Variants in AFF3 observed in about 807,000 individuals in gnomAD.
The protein encoded by AFF3 is ALF transcription elongation factor 3.
A neutral mutation model predicts 129.7 loss-of-function variants in AFF3; 32 were observed. That is an observed-to-expected ratio of 0.25 (90% CI 0.19 to 0.33). The LOEUF is 0.33. AFF3 is among the 10% of genes least tolerant of loss of function. The pLI is 1.00. For synonymous variants in AFF3, 644 were observed against 635.4 expected (o/e 1.01, Z -0.20); for missense variants, 1,373 against 1,592.0 (o/e 0.86, Z 2.34).
At chr2:99,808,037 G>A (rs1210152313) in intron 8 of AFF3, among the ~76,000 whole-genome samples, 1 of 148,858 alleles carries the variant, frequency 6.7e-6, no homozygotes, top group Admixed American at 6.7e-5. Flanking sequence ...TCCCTCCCTC[G>A]CCAATGGGGT....
chr2:99,919,167 A>C (rs1448715692), intron 7 of AFF3, among the ~76,000 whole-genome samples: 1 of 152,174 alleles, frequency 6.6e-6, no homozygotes, highest in African/African-American at 2.4e-5. Flanking sequence ...ATGGATGAAA[A>C]ACATTTGGGG....
At chr2:100,123,150 A>C (rs1692045907) in intron 2 of AFF3, among the ~76,000 whole-genome samples, 1 of 152,218 alleles carries the variant, frequency 6.6e-6, no homozygotes, top group African/African-American at 2.4e-5. Flanking sequence ...CCACTAAAAT[A>C]ATGCAAAAAT....
chr2:100,030,283 C>G (rs951993065), intron 4 of AFF3, among the ~76,000 whole-genome samples: 2 of 152,024 alleles, frequency 1.3e-5, no homozygotes, highest in African/African-American at 4.8e-5. Flanking sequence ...AAGTTTACCT[C>G]AATTTTACAA....
At chr2:100,098,319 T>C (rs1298840975) in intron 4 of AFF3, among the ~76,000 whole-genome samples, 2 of 152,176 alleles carry the variant, frequency 1.3e-5, no homozygotes, top group Non-Finnish European at 1.5e-5. Context: ...CATTAAATGA[T>C]ATTAAAATCG....
intron 7 of AFF3, among the ~76,000 whole-genome samples, chr2:99,887,094 T>C (rs1012595155): frequency 6.6e-6 from 1 of 152,240 alleles, no homozygotes; most frequent in East Asian, 1.9e-4. Flanking sequence ...TTCTGCCCTC[T>C]GTTGGGGGCA....
At position 99,919,253 on chromosome 2, in the gene AFF3, T is replaced by G. The variant is rs183539245; in HGVS notation, c.874-81729A>C. Among the ~76,000 whole-genome samples, 137 of 152,320 alleles carry G rather than the reference T, an allele frequency of 9.0e-4. 1 individual carries two copies. Among genetic ancestry groups the G allele is most frequent in the Middle Eastern group, 3.4e-3 (1 of 294 alleles). On this transcript the variant is annotated intron_variant, in intron 7 of 24. Coordinates refer to ENST00000672756, the MANE Select transcript of AFF3 (RefSeq NM_001386135.1). ...TTATCTCTTAAGTGTAATTACCATA[T>G]TTCCCACATCAATGCCCACGGTTGA...
chr2:100,052,502 C>T (rs896135163), intron 4 of AFF3, among the ~76,000 whole-genome samples: 1 of 152,066 alleles, frequency 6.6e-6, no homozygotes, highest in African/African-American at 2.4e-5. Context: ...TAGAACTACC[C>T]TGGCTTAGAG....
At chr2:99,587,573 CCCT>C (rs1453217408) in intron 15 of AFF3, among the ~76,000 whole-genome samples, 1 of 152,184 alleles carries the variant, frequency 6.6e-6, no homozygotes, top group African/African-American at 2.4e-5. Context: ...TAGGATTTAG[CCCT>C]CCAACTGGTC....
intron 4 of AFF3, among the ~76,000 whole-genome samples, chr2:100,014,521 G>A (rs1296950712): frequency 1.3e-5 from 2 of 152,114 alleles, no homozygotes; most frequent in Non-Finnish European, 2.9e-5. Context: ...CAAGGAGAAT[G>A]GGGAAAAGGA....
intron 7 of AFF3, among the ~76,000 whole-genome samples, chr2:99,970,726 G>A (rs560479121): frequency 2.6e-5 from 4 of 152,148 alleles, no homozygotes; most frequent in Non-Finnish European, 5.9e-5. Context: ...TAGTGACGCA[G>A]GGGCTTTGAC....
At chr2:100,111,262 C>T (rs1691502268) in intron 2 of AFF3, among the ~76,000 whole-genome samples, 1 of 152,224 alleles carries the variant, frequency 6.6e-6, no homozygotes, top group Non-Finnish European at 1.5e-5. Flanking sequence ...CGCACATTGC[C>T]GTGTATAGTC....
At chr2:100,107,970 C>T (rs1244288565) in intron 2 of AFF3, among the ~76,000 whole-genome samples, 1 of 152,036 alleles carries the variant, frequency 6.6e-6, no homozygotes, top group Non-Finnish European at 1.5e-5. Flanking sequence ...CCCACCATTC[C>T]CCTAGAAAAA....
intron 12 of AFF3, among the ~76,000 whole-genome samples, chr2:99,653,806 T>G (rs553819647): frequency 3.9e-4 from 59 of 151,890 alleles, no homozygotes; most frequent in African/African-American, 1.4e-3. Context: ...TTCCAATCTG[T>G]CACATGATGT....
At chr2:99,843,972 G>A (rs539020741) in intron 7 of AFF3, among the ~76,000 whole-genome samples, 2 of 152,258 alleles carry the variant, frequency 1.3e-5, no homozygotes, top group South Asian at 2.1e-4. Flanking sequence ...GGAGGTTGCA[G>A]TGAGCCAAGA....
chr2:99,880,987 AG>A, intron 7 of AFF3, among the ~76,000 whole-genome samples: 1 of 152,346 alleles, frequency 6.6e-6, no homozygotes, highest in East Asian at 1.9e-4. Context: ...CGGAGGAAGC[AG>A]AGGCTACCCG....
At chr2:99,745,173 T>A (rs1558808994) in intron 9 of AFF3, among the ~76,000 whole-genome samples, 1 of 152,220 alleles carries the variant, frequency 6.6e-6, no homozygotes. Context: ...CATTTGTACA[T>A]CTTTGGAGAA....
At chr2:100,136,110 A>T (rs990067714) in intron 1 of AFF3, among the ~76,000 whole-genome samples, 9 of 152,324 alleles carry the variant, frequency 5.9e-5, no homozygotes, top group Admixed American at 2.0e-4. Flanking sequence ...CGGACATGTT[A>T]AGACGTAAGG....
intron 2 of AFF3, among the ~76,000 whole-genome samples, chr2:100,116,828 CTG>C (rs1300994000): frequency 2.0e-5 from 3 of 152,090 alleles, no homozygotes; most frequent in Non-Finnish European, 4.4e-5. Flanking sequence ...CCAGTATTTC[CTG>C]TGTTTCCACT....
intron 11 of AFF3, among the ~76,000 whole-genome samples, chr2:99,710,436 T>C (rs1214225312): frequency 6.6e-6 from 1 of 152,136 alleles, no homozygotes; most frequent in Admixed American, 6.6e-5. Context: ...TTTGTATTTT[T>C]AGTAGAGATG....
Sources: gnomAD v4.1 joint callset for allele counts (sites outside exome capture counted in the v4.1 genomes callset) on GRCh38, gnomAD v4.1.1 for gene constraint, MANE v1.5 for transcripts, NCBI Gene and HGNC (gene_info 2026-07-23, HGNC 2026-07-21) for gene names.